Variants in XPNPEP1 observed in about 807,000 individuals in gnomAD.
XPNPEP1 encodes xaa-Pro aminopeptidase 1.
A neutral mutation model predicts 92.4 loss-of-function variants in XPNPEP1; 39 were observed. The ratio of observed to expected loss-of-function variants is 0.42; its 90% confidence interval spans 0.33 to 0.55. The LOEUF (loss-of-function observed/expected upper bound fraction) is 0.55, where lower values mean the gene tolerates loss of function less well. Among genes scored for constraint, XPNPEP1 ranks in the 20% least tolerant of loss-of-function variants. The probability of loss-of-function intolerance (pLI) is 0.08; values close to 1 mark genes in which losing one functional copy is unlikely to be tolerated. For synonymous variants in XPNPEP1, 307 were observed against 299.4 expected, an observed-to-expected ratio of 1.03 and a Z score of -0.26; for missense variants, 654 against 856.1, an observed-to-expected ratio of 0.76 and a Z score of 2.95.
chr10:109,882,012 CT>C (rs1236530817), intron 10 of XPNPEP1, among the ~76,000 whole-genome samples: 1 of 152,208 alleles, frequency 6.6e-6, no homozygotes, highest in African/African-American at 2.4e-5. Context: ...ACCTGCACAG[CT>C]TTTACCCTAG....
At chr10:109,906,304 T>G (rs1242681451) in intron 3 of XPNPEP1, among the ~76,000 whole-genome samples, 3 of 152,180 alleles carry the variant, frequency 2.0e-5, no homozygotes, top group African/African-American at 7.2e-5. Context: ...ATTTGGGGGA[T>G]TAAGGTTCTA....
intron 2 of XPNPEP1, among the ~76,000 whole-genome samples, chr10:109,913,307 T>C (rs1339593408): frequency 1.3e-5 from 2 of 152,250 alleles, no homozygotes; most frequent in African/African-American, 4.8e-5. Flanking sequence ...GAAAGCACCA[T>C]GCACAGCATC....
At chr10:109,903,434 A>T (rs1278765086) in intron 3 of XPNPEP1, among the ~76,000 whole-genome samples, 8 of 152,202 alleles carry the variant, frequency 5.3e-5, no homozygotes. Flanking sequence ...ACCAACTGCT[A>T]CATAATCATC....
chr10:109,907,604 G>A, intron 3 of XPNPEP1, 87 bp downstream of exon 3: 1 of 1,576,120 alleles, frequency 6.3e-7, no homozygotes, highest in Non-Finnish European at 8.6e-7. Flanking sequence ...GGCCCTGGTT[G>A]TGGGTTGACA....
chr10:109,908,985 G>T (rs1031403709), intron 2 of XPNPEP1, among the ~76,000 whole-genome samples: 5 of 152,082 alleles, frequency 3.3e-5, no homozygotes, highest in African/African-American at 4.8e-5. Context: ...AGTATGGCGG[G>T]AGTGGCCGGG....
chr10:109,887,463 C>A (rs1450426077), intron 7 of XPNPEP1, among the ~76,000 whole-genome samples: 1 of 152,194 alleles, frequency 6.6e-6, no homozygotes, highest in Non-Finnish European at 1.5e-5. Context: ...CAGCCATCCC[C>A]CATCTACCTC....
At chr10:109,877,754 G>A (rs1249163301) in intron 14 of XPNPEP1, 36 bp downstream of exon 14, 1 of 1,613,524 alleles carries the variant, frequency 6.2e-7, no homozygotes, top group Non-Finnish European at 8.5e-7. Context: ...TGCAGAAGCA[G>A]CAAGGCCAGG....
intron 7 of XPNPEP1, among the ~76,000 whole-genome samples, chr10:109,887,834 G>A (rs925568519): frequency 4.6e-5 from 7 of 152,210 alleles, no homozygotes; most frequent in Non-Finnish European, 7.3e-5. Flanking sequence ...CGAGCTTTGC[G>A]AAAATAACCA....
Position 109,900,983 on chromosome 10 carries a change from CAT to C in XPNPEP1, c.246+6706_246+6707del, listed in dbSNP as rs199557837. On this transcript the variant is annotated intron_variant, in intron 3 of 20. Transcript: ENST00000502935. ...ATGCTGCTATAAAGACACATGCACA[CAT>C]ATGTTTATTGCGGCACTATTCACAA... is the stretch of plus-strand genomic sequence containing the variant. 5.4e-3 allele frequency among the ~76,000 whole-genome samples: 829 copies of C among 152,252 alleles called. 7 individuals are homozygous for C. The highest frequency in any genetic ancestry group is 0.015 in the African/African-American group (607 of 41,534).
chr10:109,911,254 C>T (rs1361172088), intron 2 of XPNPEP1, among the ~76,000 whole-genome samples: 1 of 152,232 alleles, frequency 6.6e-6, no homozygotes, highest in African/African-American at 2.4e-5. Flanking sequence ...TGCATTACAC[C>T]TGCTTCTGAA....
chr10:109,910,943 G>A (rs1439508924), intron 2 of XPNPEP1, among the ~76,000 whole-genome samples: 1 of 152,232 alleles, frequency 6.6e-6, no homozygotes, highest in Non-Finnish European at 1.5e-5. Flanking sequence ...CTTAAACCCT[G>A]CTGGGCATAG....
chr10:109,876,898 A>G (rs748473378), intron 14 of XPNPEP1: 3 of 152,264 alleles, frequency 2.0e-5, no homozygotes, highest in Non-Finnish European at 2.9e-5. Context: ...TCCTAGACAT[A>G]TCAGTGCCCC....
At chr10:109,908,999 G>C (rs985734170) in intron 2 of XPNPEP1, among the ~76,000 whole-genome samples, 1 of 149,006 alleles carries the variant, frequency 6.7e-6, no homozygotes, top group Non-Finnish European at 1.5e-5. Flanking sequence ...GGCCGGGTGC[G>C]GTGGCTCACA....
Position 109,922,775 on chromosome 10 carries a change from C to T in XPNPEP1, c.32+627G>A, listed in dbSNP as rs138410959. Reference sequence around the variant, plus strand: ...GGGGAATAAACTAAAACATGTTTAACTTGAGGCCGGGAAATTATCTGTCTC... The same window carrying T: ...GGGGAATAAACTAAAACATGTTTAATTTGAGGCCGGGAAATTATCTGTCTC... On this transcript the variant is annotated intron_variant, in intron 1 of 20. Transcript: ENST00000502935. 6.4e-4 allele frequency among the ~76,000 whole-genome samples: 97 copies of T among 152,314 alleles called. 1 individual carries two copies. Among genetic ancestry groups the T allele is most frequent in the African/African-American group, 1.9e-3 (81 of 41,564 alleles).
intron 10 of XPNPEP1, 44 bp downstream of exon 10, chr10:109,882,388 A>T (rs758146048): frequency 6.3e-7 from 1 of 1,589,774 alleles, no homozygotes; most frequent in East Asian, 2.3e-5. Flanking sequence ...CAGAACTGGG[A>T]AGGGGGTGGC....
chr10:109,884,383 G>A (rs1284667998), intron 8 of XPNPEP1: 9 of 497,500 alleles, frequency 1.8e-5, no homozygotes, highest in South Asian at 5.6e-5. Context: ...ATCACTGCCC[G>A]GAGAAGGGAA....
chr10:109,891,908 C>G, intron 4 of XPNPEP1, 82 bp from the exon 5 acceptor site: 1 of 1,403,456 alleles, frequency 7.1e-7, no homozygotes, highest in Admixed American at 1.9e-5. Flanking sequence ...AGTAGACAGG[C>G]AAGAGCAGTA....
chr10:109,874,420 C>T (rs1443998707), intron 15 of XPNPEP1, among the ~76,000 whole-genome samples: 1 of 152,206 alleles, frequency 6.6e-6, no homozygotes, highest in Non-Finnish European at 1.5e-5. Context: ...TATCTTAACA[C>T]ACACTAGACT....
chr10:109,896,642 T>C (rs1423481691), intron 3 of XPNPEP1, among the ~76,000 whole-genome samples: 1 of 152,042 alleles, frequency 6.6e-6, no homozygotes, highest in Non-Finnish European at 1.5e-5. Context: ...ACCCCAAGCA[T>C]ATAAGTTCCA....
Sources: allele counts gnomAD v4.1 joint callset (sites outside exome capture counted in the v4.1 genomes callset), GRCh38; gene constraint gnomAD v4.1.1; transcripts MANE v1.5; gene names NCBI Gene and HGNC (gene_info 2026-07-23, HGNC 2026-07-21).